Variants in PRDM6 observed in about 807,000 individuals in gnomAD.
PRDM6 encodes PR/SET domain 6.
PRDM6 carries 25 observed loss-of-function variants against 60.8 expected under a neutral mutation model. The ratio of observed to expected loss-of-function variants is 0.41; its 90% CI spans 0.30 to 0.57. The LOEUF (loss-of-function observed/expected upper bound fraction) is 0.57, where lower values mean the gene tolerates loss of function less well. Ranked by LOEUF, PRDM6 falls within the 20% of genes least tolerant of loss-of-function variation. PRDM6 has a pLI of 0.27. For missense variants in PRDM6, 839 were observed against 821.3 expected (o/e 1.02, Z -0.26); for synonymous variants, 407 against 357.4 (o/e 1.14, Z -1.57).
At position 123,192,981 on chromosome 5, in the gene PRDM6, A is replaced by C. The variant is rs1292361257; in HGVS notation, c.*5780A>C. On this transcript the variant is annotated 3_prime_UTR_variant, in exon 8 of 8. Transcript: ENST00000407847. The stretch of plus-strand genomic sequence containing the variant: ...CATGAGGTACTCAAGGAACCAGTTC[A>C]AGTTCTGGGGCACAATCTAGATGAA... The C allele has an allele frequency of 2.0e-5, 3 of 152,204 alleles. No individual in the cohort carries two copies. The allele number at this position is 152,204 out of a possible 1,614,324, so 9.4% of individuals were successfully genotyped here. A position where few individuals can be genotyped will look rare whatever the true frequency, so the allele number is the denominator to read the frequency against.
intron 3 of PRDM6, among the ~76,000 whole-genome samples, chr5:123,117,820 C>G (rs1035216403): frequency 2.6e-5 from 4 of 152,232 alleles, no homozygotes; most frequent in African/African-American, 9.6e-5. Flanking sequence ...AAGAGCTGGA[C>G]CAGAAATTGT....
chr5:123,107,105 C>A (rs1402406194), intron 3 of PRDM6, among the ~76,000 whole-genome samples: 1 of 152,182 alleles, frequency 6.6e-6, no homozygotes, highest in Non-Finnish European at 1.5e-5. Flanking sequence ...AAGGTTACAT[C>A]ATTGTTTTTG....
Position 123,090,204 on chromosome 5 carries a change from C to G in PRDM6, c.190C>G (p.Pro64Ala), listed in dbSNP as rs113582737. The change falls in exon 2 of 8, where the codon CCT becomes GCT. Residue 64 changes from proline (P) to alanine (A), a missense_variant. By Grantham distance (27) the Pro-to-Ala change is conservative. Coordinates refer to ENST00000407847, the MANE Select transcript of PRDM6 (RefSeq NM_001136239.4). Reference sequence around the variant, plus strand: ...GCCCCCGCCCCCGGAGCGCGCTGAGCCTCCGCCGGACAGCCTGCGCCCGCG... The same window carrying G: ...GCCCCCGCCCCCGGAGCGCGCTGAGGCTCCGCCGGACAGCCTGCGCCCGCG... ...PPPPPPERAE[P>A]PPDSLRPRPA... 3.1e-3 allele frequency: 4,669 copies of G among 1,484,984 alleles called. 13 individuals are homozygous for G. Among genetic ancestry groups the G allele is most frequent in the Middle Eastern group, 4.3e-3 (19 of 4,434 alleles). The allele number at this position is 1,484,984 out of a possible 1,614,324, so 92.0% of individuals were successfully genotyped here. A position where few individuals can be genotyped will look rare whatever the true frequency, so the allele number is the denominator to read the frequency against.
intron 7 of PRDM6, among the ~76,000 whole-genome samples, chr5:123,185,733 A>G (rs79705046): frequency 1.0e-3 from 154 of 152,338 alleles, no homozygotes; most frequent in African/African-American, 3.2e-3. Flanking sequence ...CTGCCTCCCA[A>G]TGTTCAAAAA....
At chr5:123,153,213 A>C (rs1032666775) in intron 3 of PRDM6, among the ~76,000 whole-genome samples, 1 of 152,110 alleles carries the variant, frequency 6.6e-6, no homozygotes, top group Non-Finnish European at 1.5e-5. Context: ...AAAAAAAAAA[A>C]AAAAGGGCTA....
At chr5:123,180,393 A>G (rs1766122245) in intron 7 of PRDM6, 70 bp downstream of exon 7, 4 of 1,445,650 alleles carry the variant, frequency 2.8e-6, no homozygotes, top group Non-Finnish European at 2.8e-6. Flanking sequence ...ATGCATCAGC[A>G]CAGTGCTGCC....
intron 3 of PRDM6, among the ~76,000 whole-genome samples, chr5:123,111,240 A>G (rs374606883): frequency 3.9e-5 from 6 of 152,200 alleles, no homozygotes; most frequent in Middle Eastern, 3.2e-3. Flanking sequence ...TATGTTTTCA[A>G]TGACTTTCCT....
intron 3 of PRDM6, among the ~76,000 whole-genome samples, chr5:123,104,145 A>G (rs778917119): frequency 6.6e-6 from 1 of 152,156 alleles, no homozygotes; most frequent in South Asian, 2.1e-4. Flanking sequence ...GCTGTTAAGC[A>G]AATGGTCTAT....
intron 7 of PRDM6, among the ~76,000 whole-genome samples, chr5:123,180,693 C>T (rs1168892084): frequency 6.6e-6 from 1 of 152,170 alleles, no homozygotes; most frequent in Non-Finnish European, 1.5e-5. Context: ...CATCAGCAAG[C>T]CTTACGATCA....
intron 6 of PRDM6, among the ~76,000 whole-genome samples, chr5:123,171,934 GT>G (rs1488769669): frequency 6.6e-6 from 1 of 152,184 alleles, no homozygotes; most frequent in Admixed American, 6.5e-5. Context: ...GATTGCTTGT[GT>G]TTTTATCTCT....
chr5:123,167,930 A>G (rs1367858496), intron 5 of PRDM6, among the ~76,000 whole-genome samples: 1 of 152,140 alleles, frequency 6.6e-6, no homozygotes, highest in Non-Finnish European at 1.5e-5. Flanking sequence ...TGTTGCCTAA[A>G]ACCTCGTGGG....
chr5:123,089,950 C>T (rs1223444713), intron 1 of PRDM6, 50 bp from the exon 2 acceptor site: 6 of 1,379,364 alleles, frequency 4.3e-6, no homozygotes, highest in South Asian at 2.6e-5. Context: ...CTCTTCCCGG[C>T]CCCTTTCGCC....
intron 3 of PRDM6, among the ~76,000 whole-genome samples, chr5:123,140,635 C>G (rs665444): frequency 6.6e-6 from 1 of 151,808 alleles, no homozygotes; most frequent in African/African-American, 2.4e-5. Context: ...TACAGAAAAA[C>G]AAATTCTTAC....
chr5:123,172,257 A>G (rs777587497), intron 6 of PRDM6, among the ~76,000 whole-genome samples: 5 of 152,116 alleles, frequency 3.3e-5, no homozygotes, highest in Non-Finnish European at 7.4e-5. Flanking sequence ...AATAATAATA[A>G]TCAATTACAG....
chr5:123,163,087 G>T (rs1369566855), intron 5 of PRDM6, among the ~76,000 whole-genome samples: 1 of 152,016 alleles, frequency 6.6e-6, no homozygotes, highest in Non-Finnish European at 1.5e-5. Context: ...TGAGATCAAA[G>T]ACTTTTTCAA....
At chr5:123,115,720 T>C (rs1345664630) in intron 3 of PRDM6, among the ~76,000 whole-genome samples, 1 of 152,194 alleles carries the variant, frequency 6.6e-6, no homozygotes, top group Admixed American at 6.5e-5. Context: ...ATTGAAAATC[T>C]TTGTGAACAT....
In PRDM6 at chr5:123,089,378, G is replaced by A. The variant is rs981390345; in HGVS notation, c.-157G>A. 1 of 152,690 alleles carries A rather than the reference G, an allele frequency of 6.5e-6. No individual in the cohort carries two copies. The highest frequency in any genetic ancestry group is 2.4e-5 in the African/African-American group (1 of 41,378). 9.5% of individuals were successfully genotyped at this position (152,690 alleles called of 1,614,324 possible). The stretch of plus-strand genomic sequence containing the variant: ...CCCAATTTTCTCGCTTGCAGGTCGG[G>A]AGGTTTCCGGGCGGCACAATCTCTA... On this transcript the variant is annotated 5_prime_UTR_variant, in exon 1 of 8. Coordinates refer to ENST00000407847, the MANE Select transcript of PRDM6 (RefSeq NM_001136239.4).
rs139637871 is a variant in PRDM6, at chr5:123,158,058, G to A, written c.1029-1456G>A. Among the ~76,000 whole-genome samples the A allele has an allele frequency of 9.5e-3, 1,450 of 152,334 alleles. 13 individuals are homozygous for A. Among genetic ancestry groups the A allele is most frequent in the Non-Finnish European group, 0.015 (991 of 68,036 alleles). On this transcript the variant is annotated intron_variant, in intron 4 of 7. Coordinates refer to ENST00000407847, the MANE Select transcript of PRDM6 (RefSeq NM_001136239.4). The stretch of plus-strand genomic sequence containing the variant: ...TGCCCACTTGTAAGGAATGGTGTAC[G>A]CTTACACATTTTTTTCCGCCTTTCG...
intron 2 of PRDM6, among the ~76,000 whole-genome samples, chr5:123,098,923 C>T (rs893620657): frequency 8.2e-5 from 12 of 146,206 alleles, no homozygotes; most frequent in Admixed American, 6.8e-4. Flanking sequence ...CCCTTGGAGT[C>T]CTGGGGCTGC....
Sources: gnomAD v4.1 joint callset for allele counts (sites outside exome capture counted in the v4.1 genomes callset) on GRCh38, gnomAD v4.1.1 for gene constraint, MANE v1.5 for transcripts, NCBI Gene and HGNC (gene_info 2026-07-23, HGNC 2026-07-21) for gene names.